GPR137B: variants seen among roughly 807,000 people sequenced by gnomAD.
GPR137B encodes integral membrane protein GPR137B.
In GPR137B, 42 loss-of-function variants were observed where a neutral mutation model predicts 42.5. The observed-to-expected ratio is 0.99, with a 90% CI of 0.77 to 1.28. The LOEUF (loss-of-function observed/expected upper bound fraction) is 1.28, where lower values mean the gene tolerates loss of function less well. Ranked by LOEUF, GPR137B falls within the 50% of genes most tolerant of loss-of-function variation. The probability of loss-of-function intolerance (pLI) is 0.00; values close to 1 mark genes in which losing one functional copy is unlikely to be tolerated. For missense variants in GPR137B, 487 were observed against 493.9 expected, an observed-to-expected ratio of 0.99 and a Z score of 0.13; for synonymous variants, 218 against 209.7, an observed-to-expected ratio of 1.04 and a Z score of -0.34.
At chr1:236,146,532 C>G (rs965339888) in intron 1 of GPR137B, among the ~76,000 whole-genome samples, 1 of 152,164 alleles carries the variant, frequency 6.6e-6, no homozygotes, top group African/African-American at 2.4e-5. Flanking sequence ...CCTTACTCAT[C>G]TCACCCTCCC....
At position 236,174,562 on chromosome 1, in the gene GPR137B, ATC is replaced by A. The variant is rs562224666; in HGVS notation, c.465-3850_465-3849del. Among the ~76,000 whole-genome samples the A allele has an allele frequency of 4.2e-3, 637 of 152,324 alleles. 4 individuals carry two copies. The highest frequency in any genetic ancestry group is 5.6e-3 in the Non-Finnish European group (383 of 68,024). ...GGCATGGATAGAGTGGGAATGAAGA[ATC>A]TACTGACCTTGACAATGGATTATAT... On this transcript the variant is annotated intron_variant, in intron 2 of 6. Transcript: ENST00000366592.
intron 1 of GPR137B, among the ~76,000 whole-genome samples, chr1:236,144,846 A>G (rs1661639476): frequency 1.3e-5 from 2 of 152,260 alleles, no homozygotes; most frequent in Non-Finnish European, 2.9e-5. Context: ...GGGAAGAGGA[A>G]AATGCAGGGA....
intron 5 of GPR137B, among the ~76,000 whole-genome samples, chr1:236,193,922 A>G (rs12077511): frequency 0.17 from 25,858 of 152,160 alleles, 2,565 homozygotes; most frequent in African/African-American, 0.25. Flanking sequence ...TGTCATACCC[A>G]AGAACCCTTT....
chr1:236,205,523 C>T (rs1663631575), intron 6 of GPR137B, among the ~76,000 whole-genome samples: 1 of 152,036 alleles, frequency 6.6e-6, no homozygotes, highest in African/African-American at 2.4e-5. Context: ...TTATGCTGTG[C>T]AAAAGGAAAT....
At chr1:236,146,797 C>T (rs1395718558) in intron 1 of GPR137B, among the ~76,000 whole-genome samples, 1 of 152,224 alleles carries the variant, frequency 6.6e-6, no homozygotes, top group African/African-American at 2.4e-5. Context: ...CAGGCAGATC[C>T]TATGGCTTTC....
At chr1:236,153,304 A>G (rs1244063644) in intron 1 of GPR137B, among the ~76,000 whole-genome samples, 1 of 152,174 alleles carries the variant, frequency 6.6e-6, no homozygotes, top group Non-Finnish European at 1.5e-5. Context: ...AGCCCCTGGC[A>G]GCCACCCATC....
chr1:236,190,322 C>G (rs1663159105), intron 5 of GPR137B, among the ~76,000 whole-genome samples: 1 of 152,024 alleles, frequency 6.6e-6, no homozygotes, highest in African/African-American at 2.4e-5. Flanking sequence ...GGGCATTTAG[C>G]CCATTTACAT....
Position 236,178,795 on chromosome 1 carries a change from T to G in GPR137B, c.687+159T>G, listed in dbSNP as rs868184604. Among the ~76,000 whole-genome samples, 83 of 76,930 alleles carry G rather than the reference T, an allele frequency of 1.1e-3. 1 individual carries two copies. The highest frequency in any genetic ancestry group is 0.012 in the Middle Eastern group (2 of 164). The allele number at this position is 76,930 out of a possible 152,430, so 50.5% of individuals were successfully genotyped here. The stretch of plus-strand genomic sequence containing the variant: ...CAGGGGCTACTCGAGGTTTTTTTTT[T>G]TTTTTTTTTTTTTTTTTTTTGAGAC... On this transcript the variant is annotated intron_variant, in intron 3 of 6. Transcript: ENST00000366592.
chr1:236,144,975 C>T (rs1378504512), intron 1 of GPR137B, among the ~76,000 whole-genome samples: 1 of 152,252 alleles, frequency 6.6e-6, no homozygotes, highest in Admixed American at 6.5e-5. Context: ...GCAAGGGAAA[C>T]AGTGACCAGG....
In GPR137B at chr1:236,171,074, G is replaced by A. The variant is rs1662523294; in HGVS notation, c.464+2319G>A. On this transcript the variant is annotated intron_variant, in intron 2 of 6. Coordinates refer to ENST00000366592, the MANE Select transcript of GPR137B (RefSeq NM_003272.4). The surrounding 1 kb of genome is among the most constrained non-coding windows in gnomAD (Gnocchi z 4.4). ...TAACACGAAATGTATTTATGTTTCA[G>A]ATACACCTTATACACATATCCTGAA... Among the ~76,000 whole-genome samples, 1 of 152,122 alleles carries A rather than the reference G, an allele frequency of 6.6e-6. No homozygotes were observed. Among genetic ancestry groups the A allele is most frequent in the Non-Finnish European group, 1.5e-5 (1 of 68,004 alleles).
chr1:236,180,633 ATT>A (rs544204649), intron 4 of GPR137B, among the ~76,000 whole-genome samples: 8,667 of 138,380 alleles, frequency 0.063, 693 homozygotes, highest in African/African-American at 0.2. Context: ...GCAGTACTTA[ATT>A]TTTTTTTTTT....
At chr1:236,205,300 C>T (rs375859034) in intron 6 of GPR137B, 50 bp downstream of exon 6, 4 of 1,527,360 alleles carry the variant, frequency 2.6e-6, no homozygotes, top group African/African-American at 1.4e-5. Context: ...GGAAGGGTTA[C>T]ACCAGTTAAA....
intron 1 of GPR137B, among the ~76,000 whole-genome samples, chr1:236,154,767 G>GT (rs1200437899): frequency 2.0e-5 from 3 of 152,088 alleles, no homozygotes; most frequent in Non-Finnish European, 4.4e-5. Flanking sequence ...TTATTTTGTA[G>GT]TTTTTGCATC....
At chr1:236,151,791 G>A (rs1661873753) in intron 1 of GPR137B, among the ~76,000 whole-genome samples, 1 of 152,154 alleles carries the variant, frequency 6.6e-6, no homozygotes, top group Non-Finnish European at 1.5e-5. Context: ...AACACAGGGT[G>A]AAAAAACCCC....
At chr1:236,192,585 T>G (rs145985332) in intron 5 of GPR137B, among the ~76,000 whole-genome samples, 1 of 151,806 alleles carries the variant, frequency 6.6e-6, no homozygotes, top group African/African-American at 2.4e-5. Context: ...TTCCCTTGGG[T>G]AGGGGAGAAA....
intron 1 of GPR137B, among the ~76,000 whole-genome samples, chr1:236,151,624 A>G (rs560539497): frequency 2.0e-5 from 3 of 152,018 alleles, no homozygotes; most frequent in Admixed American, 6.5e-5. Context: ...GGGTTTCACA[A>G]TGTTGGCCAG....
Position 236,208,439 on chromosome 1 carries a change from G to A in GPR137B, c.*281G>A. 1 of 948,966 alleles carries A rather than the reference G, an allele frequency of 1.1e-6. No individual in the cohort carries two copies. The highest frequency in any genetic ancestry group is 1.3e-6 in the Non-Finnish European group (1 of 753,306). 58.8% of individuals were successfully genotyped at this position (948,966 alleles called of 1,614,324 possible). A position where few individuals can be genotyped will look rare whatever the true frequency, so the allele number is the denominator to read the frequency against. On this transcript the variant is annotated 3_prime_UTR_variant, in exon 7 of 7. Transcript: ENST00000366592. ...TATTTTGTATAACTTAAATAATAATGCTAAAGTATACTAGGGTTTTTTTTT... is the reference window on the plus strand; with the variant it reads ...TATTTTGTATAACTTAAATAATAATACTAAAGTATACTAGGGTTTTTTTTT...
At chr1:236,181,363 CTG>C (rs1473885443) in intron 4 of GPR137B, among the ~76,000 whole-genome samples, 2 of 151,832 alleles carry the variant, frequency 1.3e-5, no homozygotes, top group South Asian at 2.1e-4. Context: ...ATCTTGGGCA[CTG>C]TGCAAAGTGC....
chr1:236,203,217 A>G (rs1020104055), intron 5 of GPR137B, among the ~76,000 whole-genome samples: 2 of 152,078 alleles, frequency 1.3e-5, no homozygotes, highest in Admixed American at 1.3e-4. Context: ...AGCTGGGACT[A>G]TGGGCACCCC....
Sources: gnomAD v4.1 joint callset for allele counts (sites outside exome capture counted in the v4.1 genomes callset) on GRCh38, gnomAD v4.1.1 for gene constraint, Gnocchi (gnomAD v3.1) non-coding constraint, MANE v1.5 for transcripts, NCBI Gene and HGNC (gene_info 2026-07-23, HGNC 2026-07-21) for gene names.